Variants in ARHGAP28 observed in about 807,000 individuals in gnomAD.
ARHGAP28 encodes rho GTPase-activating protein 28.
In ARHGAP28, 56 loss-of-function variants were observed where a neutral mutation model predicts 90.7. That is an observed-to-expected ratio of 0.62 (90% CI 0.50 to 0.77). The LOEUF (loss-of-function observed/expected upper bound fraction) is 0.77, where lower values mean the gene tolerates loss of function less well. Ranked by LOEUF, ARHGAP28 falls within the 30% of genes least tolerant of loss-of-function variation. The pLI is 0.00. For missense variants in ARHGAP28, 869 were observed against 900.9 expected (o/e 0.96, Z 0.45); for synonymous variants, 308 against 323.3 (o/e 0.95, Z 0.51).
At chr18:6,911,285 C>T (rs981930938) in intron 17 of ARHGAP28, among the ~76,000 whole-genome samples, 2 of 152,130 alleles carry the variant, frequency 1.3e-5, no homozygotes, top group Non-Finnish European at 2.9e-5. Context: ...AGTAAAGAAA[C>T]AAAATGACCA....
chr18:6,833,753 C>A (rs1327468842), intron 2 of ARHGAP28, among the ~76,000 whole-genome samples: 2 of 152,138 alleles, frequency 1.3e-5, no homozygotes, highest in African/African-American at 4.8e-5. Flanking sequence ...CCAGTGTGAA[C>A]TTAGTCATTT....
At chr18:6,763,214 C>G (rs1403536892) in intron 1 of ARHGAP28, among the ~76,000 whole-genome samples, 4 of 152,098 alleles carry the variant, frequency 2.6e-5, no homozygotes, top group Non-Finnish European at 2.9e-5. Context: ...TCCTGAGCAG[C>G]TGGGACTACA....
At position 6,739,131 on chromosome 18, in the gene ARHGAP28, G is replaced by A. The variant is rs182641322; in HGVS notation, c.122+9188G>A. ...GCAAGGAGAGCCAAGATTCCAACCC[G>A]GTCTCCTCTAGAACTGGTGCTTTTA... On this transcript the variant is annotated intron_variant, in intron 1 of 17. Transcript: ENST00000383472. 2.0e-5 allele frequency among the ~76,000 whole-genome samples: 3 copies of A among 152,132 alleles called. No homozygotes were observed. The East Asian group carries it at 5.8e-4, about 29-fold the overall frequency.
At chr18:6,751,025 C>A (rs989506726) in intron 1 of ARHGAP28, among the ~76,000 whole-genome samples, 6 of 152,046 alleles carry the variant, frequency 3.9e-5, no homozygotes, top group African/African-American at 1.4e-4. Context: ...TGACCCCTAC[C>A]CCTGCACTGG....
intron 1 of ARHGAP28, chr18:6,789,756 T>A (rs2143545641): frequency 6.6e-6 from 1 of 152,326 alleles, no homozygotes; most frequent in East Asian, 1.9e-4. Flanking sequence ...ATTAGTATAC[T>A]TTTGATGGCT....
intron 1 of ARHGAP28, among the ~76,000 whole-genome samples, chr18:6,812,463 G>A (rs1347262094): frequency 6.6e-6 from 1 of 152,198 alleles, no homozygotes; most frequent in Admixed American, 6.6e-5. Flanking sequence ...GCCAGTGGTA[G>A]AGTAAGGCAG....
chr18:6,883,533 T>C (rs1240047631), intron 11 of ARHGAP28, among the ~76,000 whole-genome samples: 2 of 152,150 alleles, frequency 1.3e-5, no homozygotes, highest in Non-Finnish European at 2.9e-5. Flanking sequence ...CCACCACACC[T>C]GGCCCAGCCA....
At chr18:6,889,693 G>GA (rs2057249289) in intron 12 of ARHGAP28, among the ~76,000 whole-genome samples, 195 bp from the exon 13 acceptor site, 1 of 152,166 alleles carries the variant, frequency 6.6e-6, no homozygotes, top group Admixed American at 6.5e-5. Context: ...CTTTCATGAA[G>GA]CAGACAGTTG....
intron 17 of ARHGAP28, 127 bp from the exon 18 acceptor site, chr18:6,911,933 A>T: frequency 2.2e-6 from 1 of 458,572 alleles, no homozygotes; most frequent in Non-Finnish European, 3.8e-6. Context: ...ACATATGTCT[A>T]CTTACTTTGG....
In ARHGAP28 at chr18:6,889,033, A is replaced by T. The variant is rs551665098; in HGVS notation, c.1537-855A>T. On this transcript the variant is annotated intron_variant, in intron 12 of 17. Coordinates refer to ENST00000383472, the MANE Select transcript of ARHGAP28 (RefSeq NM_001366230.1). Reference sequence around the variant, plus strand: ...CTACCTCACAGGGTTTGGAATAATGATGAGTGAATATATATAAAGTACTAA... The same window carrying T: ...CTACCTCACAGGGTTTGGAATAATGTTGAGTGAATATATATAAAGTACTAA... 5.3e-5 allele frequency among the ~76,000 whole-genome samples: 8 copies of T among 152,224 alleles called. No individual in the cohort carries two copies. In the South Asian group the frequency reaches 1.7e-3, roughly 32 times the overall value.
intron 1 of ARHGAP28, among the ~76,000 whole-genome samples, chr18:6,804,406 CTTTT>C: frequency 6.6e-6 from 1 of 151,084 alleles, no homozygotes; most frequent in African/African-American, 2.4e-5. Flanking sequence ...TTCATTTATT[CTTTT>C]TTTTTCTGTT....
At chr18:6,809,090 G>A (rs1465415612) in intron 1 of ARHGAP28, among the ~76,000 whole-genome samples, 2 of 152,134 alleles carry the variant, frequency 1.3e-5, no homozygotes, top group Non-Finnish European at 2.9e-5. Flanking sequence ...CCTTCCATGT[G>A]CTCTATTTTG....
chr18:6,751,243 A>G (rs1175913493), intron 1 of ARHGAP28, among the ~76,000 whole-genome samples: 2 of 152,160 alleles, frequency 1.3e-5, no homozygotes, highest in African/African-American at 4.8e-5. Context: ...GATACACCAA[A>G]GAAACACAGA....
At chr18:6,801,231 A>G (rs1324675051) in intron 1 of ARHGAP28, among the ~76,000 whole-genome samples, 1 of 152,040 alleles carries the variant, frequency 6.6e-6, no homozygotes, top group Non-Finnish European at 1.5e-5. Context: ...TTTGCATGTG[A>G]ATTTCTAGTT....
rs952919842 is a variant in ARHGAP28 at position 6,797,035 on chromosome 18, T to C, written c.123-27727T>C. On this transcript the variant is annotated intron_variant, in intron 1 of 17. Transcript: ENST00000383472. ...AACCCACCAGAGGGAGAAATTTATATGTATATGACCAACAAATATTTATTG... is the reference window on the plus strand; with the variant it reads ...AACCCACCAGAGGGAGAAATTTATACGTATATGACCAACAAATATTTATTG... Among the ~76,000 whole-genome samples the C allele has an allele frequency of 9.2e-5, 14 of 152,326 alleles. 1 individual carries two copies. The highest frequency in any genetic ancestry group is 6.5e-4 in the Admixed American group (10 of 15,296).
chr18:6,907,830 C>T (rs2057372356), intron 16 of ARHGAP28, among the ~76,000 whole-genome samples: 1 of 152,122 alleles, frequency 6.6e-6, no homozygotes, highest in Non-Finnish European at 1.5e-5. Context: ...GCACAGGATG[C>T]ACCTGTATTA....
intron 1 of ARHGAP28, among the ~76,000 whole-genome samples, chr18:6,764,820 C>T (rs1465486713): frequency 1.3e-5 from 2 of 152,194 alleles, no homozygotes; most frequent in Non-Finnish European, 1.5e-5. Context: ...TGCTAAAAAA[C>T]GCTAATGTTA....
chr18:6,901,543 A>T (rs1406279734), intron 16 of ARHGAP28, among the ~76,000 whole-genome samples: 18 of 80,092 alleles, frequency 2.2e-4, no homozygotes, highest in Admixed American at 1.6e-3. Context: ...GATATGATAA[A>T]AAAAAAAAAA....
intron 3 of ARHGAP28, among the ~76,000 whole-genome samples, chr18:6,841,067 A>G (rs1464878601): frequency 6.7e-6 from 1 of 149,626 alleles, no homozygotes; most frequent in Non-Finnish European, 1.5e-5. Context: ...TGACAACATA[A>G]ACACCAATTC....
Sources: allele counts gnomAD v4.1 joint callset (sites outside exome capture counted in the v4.1 genomes callset), GRCh38; gene constraint gnomAD v4.1.1; transcripts MANE v1.5; gene names NCBI Gene and HGNC (gene_info 2026-07-23, HGNC 2026-07-21).